Variants in ZSCAN5A observed in about 807,000 individuals in gnomAD.
ZSCAN5A encodes zinc finger and SCAN domain containing 5A.
Under a neutral mutation model 23.7 loss-of-function variants are expected in ZSCAN5A, and 12 were observed. The observed-to-expected ratio is 0.51, with a 90% confidence interval of 0.32 to 0.82. The LOEUF (loss-of-function observed/expected upper bound fraction) is 0.82, where lower values mean the gene tolerates loss of function less well. Ranked by LOEUF, ZSCAN5A falls within the 40% of genes least tolerant of loss-of-function variation. ZSCAN5A has a pLI of 0.03. For synonymous variants in ZSCAN5A, 257 were observed against 239.9 expected, an observed-to-expected ratio of 1.07 and a Z score of -0.66; for missense variants, 597 against 617.9, an observed-to-expected ratio of 0.97 and a Z score of 0.36.
chr19:56,242,565 A>G (rs2035512133), intron 2 of ZSCAN5A, among the ~76,000 whole-genome samples: 1 of 152,076 alleles, frequency 6.6e-6, no homozygotes, highest in African/African-American at 2.4e-5. Flanking sequence ...TCCATCCTTC[A>G]GGATTCCAGT....
At chr19:56,343,309 A>G in intron 2 of ZSCAN5A, 2 of 704,966 alleles carry the variant, frequency 2.8e-6, no homozygotes, top group Admixed American at 2.0e-5. Flanking sequence ...TCTGAAGACT[A>G]CTGGAGTGGT....
intron 2 of ZSCAN5A, among the ~76,000 whole-genome samples, chr19:56,242,161 C>T (rs944065312): frequency 2.0e-5 from 3 of 152,064 alleles, no homozygotes; most frequent in African/African-American, 7.3e-5. Context: ...CAGCACGGGG[C>T]GCAGAGGACC....
intron 2 of ZSCAN5A, among the ~76,000 whole-genome samples, chr19:56,339,109 G>A (rs8100118): frequency 0.19 from 29,604 of 152,248 alleles, 3,801 homozygotes; most frequent in African/African-American, 0.37. Flanking sequence ...ACATATGACA[G>A]CAAACCTTTT....
intron 2 of ZSCAN5A, chr19:56,312,322 C>A (rs1238107197): frequency 6.6e-6 from 1 of 152,166 alleles, no homozygotes; most frequent in Non-Finnish European, 1.5e-5. Context: ...TAAAATTTTT[C>A]ATTAAAATTA....
chr19:56,313,453 C>T (rs1183025369), intron 1 of ZSCAN5A, 69 bp from the exon 2 acceptor site: 1 of 157,026 alleles, frequency 6.4e-6, no homozygotes, highest in Non-Finnish European at 1.4e-5. Context: ...GAAAGACCTG[C>T]CCCCATGATT....
chr19:56,282,631 G>A (rs2038800292), intron 2 of ZSCAN5A: 1 of 361,786 alleles, frequency 2.8e-6, no homozygotes, highest in African/African-American at 2.2e-5. Context: ...AGCGGAACTA[G>A]TAAAACCAAG....
intron 2 of ZSCAN5A, chr19:56,321,686 T>A (rs889685398): frequency 7.3e-7 from 1 of 1,371,302 alleles, no homozygotes; most frequent in African/African-American, 1.4e-5. Flanking sequence ...CAGTTTGTCC[T>A]TCTGGAGCAT....
At chr19:56,325,725 G>A (rs1202714809) in intron 2 of ZSCAN5A, among the ~76,000 whole-genome samples, 7 of 143,032 alleles carry the variant, frequency 4.9e-5, no homozygotes, top group Admixed American at 2.0e-4. Context: ...AGATATACTG[G>A]TTATCTGTTG....
intron 2 of ZSCAN5A, among the ~76,000 whole-genome samples, chr19:56,360,635 G>C (rs905042015): frequency 4.6e-5 from 7 of 151,990 alleles, no homozygotes; most frequent in Non-Finnish European, 8.8e-5. Context: ...GTCACATGCA[G>C]AAAATTGAAA....
intron 3 of ZSCAN5A, 66 bp from the exon 4 acceptor site, chr19:56,223,900 GGT>G (rs2033610468): frequency 7.1e-7 from 1 of 1,410,546 alleles, no homozygotes; most frequent in Non-Finnish European, 9.7e-7. Context: ...ATATTCCCTG[GGT>G]CCTGCCATAA....
At chr19:56,266,461 AG>A (rs894179471) in intron 2 of ZSCAN5A, 48 of 143,176 alleles carry the variant, frequency 3.4e-4, no homozygotes, top group African/African-American at 1.1e-3. Context: ...GAGTAGGCTT[AG>A]GCTTTGCTTT....
chr19:56,302,668 C>T (rs1192415373), intron 2 of ZSCAN5A, among the ~76,000 whole-genome samples: 17 of 119,658 alleles, frequency 1.4e-4, no homozygotes, highest in Non-Finnish European at 2.5e-4. Context: ...CCTGTTCTTT[C>T]CTTCCTCCTT....
Position 56,299,445 on chromosome 19 carries a change from A to T in ZSCAN5A, c.-128+13838T>A, listed in dbSNP as rs567877868. Among the ~76,000 whole-genome samples, 213 of 123,690 alleles carry T rather than the reference A, an allele frequency of 1.7e-3. 3 individuals are homozygous for T. The South Asian group carries it at 0.038, about 22-fold the overall frequency. The allele number at this position is 123,690 out of a possible 152,430, so 81.1% of individuals were successfully genotyped here. Reference sequence around the variant, plus strand: ...ACCATGCCCAGCCTTGTTCATGATTAAAAAAAAAAAAAATCTCAGCTAGCT... The same window carrying T: ...ACCATGCCCAGCCTTGTTCATGATTTAAAAAAAAAAAAATCTCAGCTAGCT... On this transcript the variant is annotated intron_variant, in intron 2 of 5. Coordinates refer to ENST00000683990, the MANE Select transcript of ZSCAN5A (RefSeq NM_001322064.3).
chr19:56,322,513 G>A (rs1480192445), intron 2 of ZSCAN5A, among the ~76,000 whole-genome samples: 1 of 152,194 alleles, frequency 6.6e-6, no homozygotes, highest in Non-Finnish European at 1.5e-5. Context: ...AAATATCCTG[G>A]AAAAACTTCC....
chr19:56,283,439 C>T (rs8100911), intron 2 of ZSCAN5A: 118,906 of 152,056 alleles, frequency 0.78, 47,956 homozygotes, highest in Non-Finnish European at 0.89. Flanking sequence ...CATCCCAAGG[C>T]CACCCACTTA....
intron 2 of ZSCAN5A, chr19:56,321,553 A>AG (rs1163085591): frequency 2.7e-6 from 2 of 753,578 alleles, no homozygotes; most frequent in Non-Finnish European, 5.0e-6. Flanking sequence ...CTGTCTTCTT[A>AG]AGCAAGCTCA....
intron 2 of ZSCAN5A, among the ~76,000 whole-genome samples, chr19:56,244,960 A>G (rs1042484278): frequency 4.6e-5 from 7 of 152,154 alleles, no homozygotes; most frequent in Non-Finnish European, 8.8e-5. Flanking sequence ...CCATCGGCCA[A>G]TTGAGTTGGA....
intron 2 of ZSCAN5A, chr19:56,310,373 T>A (rs888325616): frequency 6.6e-6 from 1 of 152,026 alleles, no homozygotes; most frequent in African/African-American, 2.4e-5. Context: ...ACTGCAGGAG[T>A]TTCCCCTAAA....
chr19:56,327,600 T>C (rs1201287082), intron 2 of ZSCAN5A, among the ~76,000 whole-genome samples: 1 of 151,324 alleles, frequency 6.6e-6, no homozygotes, highest in Non-Finnish European at 1.5e-5. Context: ...ATGTATGATA[T>C]ATAATTTTAC....
Sources: gnomAD v4.1 joint callset for allele counts (sites outside exome capture counted in the v4.1 genomes callset) on GRCh38, gnomAD v4.1.1 for gene constraint, MANE v1.5 for transcripts, NCBI Gene and HGNC (gene_info 2026-07-23, HGNC 2026-07-21) for gene names.